Variants in PLCB1 observed in about 807,000 individuals in gnomAD.
PLCB1 encodes 1-phosphatidylinositol 4,5-bisphosphate phosphodiesterase beta-1.
PLCB1 carries 46 observed loss-of-function variants against 161.8 expected under a neutral mutation model. The ratio of observed to expected loss-of-function variants is 0.28; its 90% CI spans 0.22 to 0.36. PLCB1 has a LOEUF of 0.36. PLCB1 is among the 10% of genes least tolerant of loss of function. The probability of loss-of-function intolerance (pLI) is 1.00; values close to 1 mark genes in which losing one functional copy is unlikely to be tolerated. For synonymous variants in PLCB1, 517 were observed against 503.7 expected, an observed-to-expected ratio of 1.03 and a Z score of -0.35; for missense variants, 1,016 against 1,472.5, an observed-to-expected ratio of 0.69 and a Z score of 5.07.
intron 3 of PLCB1, among the ~76,000 whole-genome samples, chr20:8,585,721 C>A (rs1421899802): frequency 1.3e-5 from 2 of 152,190 alleles, no homozygotes; most frequent in Non-Finnish European, 2.9e-5. Context: ...TAATGAGCTT[C>A]TTTAGCATTG....
intron 2 of PLCB1, among the ~76,000 whole-genome samples, chr20:8,280,850 A>G (rs1259773153): frequency 6.6e-6 from 1 of 152,212 alleles, no homozygotes; most frequent in African/African-American, 2.4e-5. Context: ...ACCCATGGCA[A>G]GGACTTGCAG....
At chr20:8,492,848 ATGTGTGTG>A (rs10536329) in intron 3 of PLCB1, among the ~76,000 whole-genome samples, 91 of 145,150 alleles carry the variant, frequency 6.3e-4, no homozygotes, top group Non-Finnish European at 7.5e-4. Context: ...ATATATATAT[ATGTGTGTG>A]TGTGTGTGTG....
At chr20:8,616,491 T>C (rs1162235386) in intron 3 of PLCB1, among the ~76,000 whole-genome samples, 1 of 152,182 alleles carries the variant, frequency 6.6e-6, no homozygotes, top group Non-Finnish European at 1.5e-5. Context: ...ACTAAACTCT[T>C]TTGCACACAT....
At chr20:8,430,210 C>CA (rs1260732857) in intron 3 of PLCB1, among the ~76,000 whole-genome samples, 3 of 151,252 alleles carry the variant, frequency 2.0e-5, no homozygotes, top group Non-Finnish European at 3.0e-5. Context: ...GTTACATTAG[C>CA]AAAAAAAATC....
At chr20:8,309,521 A>G (rs987160091) in intron 2 of PLCB1, among the ~76,000 whole-genome samples, 3 of 152,238 alleles carry the variant, frequency 2.0e-5, no homozygotes, top group Non-Finnish European at 2.9e-5. Context: ...TTGGACAACT[A>G]TATTCAAACT....
rs78728681 is a variant in PLCB1 at position 8,244,506 on chromosome 20, A to G, written c.177+94135A>G. ...ACAAAAGAGAAATATGATTCCTTGT[A>G]TATGAAATTCAAGAAAGGCAAAACT... On this transcript the variant is annotated intron_variant, in intron 2 of 31. Transcript: ENST00000338037. Among the ~76,000 whole-genome samples the G allele has an allele frequency of 5.1e-4, 77 of 152,072 alleles. No individual in the cohort carries two copies. In the East Asian group the frequency reaches 0.011, roughly 23 times the overall value.
At chr20:8,546,045 G>A (rs904824991) in intron 3 of PLCB1, among the ~76,000 whole-genome samples, 30 of 152,160 alleles carry the variant, frequency 2.0e-4, no homozygotes, top group African/African-American at 5.8e-4. Context: ...GGCTGGGCGC[G>A]GTGGCTCATG....
intron 2 of PLCB1, among the ~76,000 whole-genome samples, chr20:8,221,096 T>C (rs1018304286): frequency 1.3e-5 from 2 of 152,128 alleles, no homozygotes; most frequent in Non-Finnish European, 2.9e-5. Context: ...AAATGAAATA[T>C]TATATGCAGC....
At chr20:8,560,295 C>A (rs1039148922) in intron 3 of PLCB1, among the ~76,000 whole-genome samples, 1 of 151,940 alleles carries the variant, frequency 6.6e-6, no homozygotes, top group Non-Finnish European at 1.5e-5. Context: ...CACCTGTGAG[C>A]TTTAAGAATA....
intron 3 of PLCB1, among the ~76,000 whole-genome samples, chr20:8,472,293 G>C (rs1413449073): frequency 6.6e-6 from 1 of 151,962 alleles, no homozygotes; most frequent in East Asian, 1.9e-4. Context: ...TTCTTTTATT[G>C]TTATGTTCTT....
intron 2 of PLCB1, among the ~76,000 whole-genome samples, chr20:8,175,319 A>G (rs76099258): frequency 0.012 from 1,851 of 152,260 alleles, 41 homozygotes; most frequent in African/African-American, 0.041. Context: ...GGTAAAAGCA[A>G]AGAGAACCTA....
rs545785306 is a variant in PLCB1 at position 8,776,715 on chromosome 20, T to A, written c.3111+1996T>A. Among the ~76,000 whole-genome samples, 5 of 152,310 alleles carry A rather than the reference T, an allele frequency of 3.3e-5. No individual in the cohort carries two copies. The East Asian group carries it at 9.7e-4, about 29-fold the overall frequency. On this transcript the variant is annotated intron_variant, in intron 27 of 31. Coordinates refer to ENST00000338037, the MANE Select transcript of PLCB1 (RefSeq NM_015192.4). ...CAAATGCTTATTAGACACCTGCTTGTTAAATATTTTTAAACAGTAGTAAAT... is the reference window on the plus strand; with the variant it reads ...CAAATGCTTATTAGACACCTGCTTGATAAATATTTTTAAACAGTAGTAAAT...
chr20:8,137,790 C>T (rs1164818603), intron 1 of PLCB1, among the ~76,000 whole-genome samples: 3 of 152,166 alleles, frequency 2.0e-5, no homozygotes, highest in Non-Finnish European at 4.4e-5. Flanking sequence ...CTTATCTTGA[C>T]TTCTAACTTT....
chr20:8,508,707 AGCACTTCCACG>A, intron 3 of PLCB1, among the ~76,000 whole-genome samples: 1 of 152,192 alleles, frequency 6.6e-6, no homozygotes, highest in Admixed American at 6.5e-5. Flanking sequence ...GTTCTCTAAA[AGCACTTCCACG>A]TAGAATGCAA....
In PLCB1 at chr20:8,831,912, C is replaced by CTT. The variant is rs1322579258; in HGVS notation, c.3423+41652_3423+41653insTT. Among the ~76,000 whole-genome samples the CTT allele has an allele frequency of 9.4e-3, 550 of 58,676 alleles. 52 individuals carry two copies. Among genetic ancestry groups the CTT allele is most frequent in the East Asian group, 0.025 (42 of 1,696 alleles). The allele number at this position is 58,676 out of a possible 152,430, so 38.5% of individuals were successfully genotyped here. A position where few individuals can be genotyped will look rare whatever the true frequency, so the allele number is the denominator to read the frequency against. ...TCTTTCTTTCTCCCTCTCTTTCTTTCTCTTTCTTTCTTTCTTTCTTTCTTT... is the reference window on the plus strand; with the variant it reads ...TCTTTCTTTCTCCCTCTCTTTCTTTCTTTCTTTCTTTCTTTCTTTCTTTCTTT... On this transcript the variant is annotated intron_variant, in intron 31 of 31. Coordinates refer to ENST00000338037, the MANE Select transcript of PLCB1 (RefSeq NM_015192.4).
At chr20:8,317,832 C>A (rs1984728634) in intron 2 of PLCB1, among the ~76,000 whole-genome samples, 1 of 152,038 alleles carries the variant, frequency 6.6e-6, no homozygotes, top group African/African-American at 2.4e-5. Context: ...GACCTTGTAA[C>A]CATAAAGCTT....
rs185951613 is a variant in PLCB1, at chr20:8,585,022, G to A, written c.247-43272G>A. On this transcript the variant is annotated intron_variant, in intron 3 of 31. Transcript: ENST00000338037. ...TCTCTTTAGCCCAACATGATCCCAAGAAATCATTAGTCTTTTACTGCTTAC... is the reference window on the plus strand; with the variant it reads ...TCTCTTTAGCCCAACATGATCCCAAAAAATCATTAGTCTTTTACTGCTTAC... Among the ~76,000 whole-genome samples, 7 of 152,188 alleles carry A rather than the reference G, an allele frequency of 4.6e-5. No individual in the cohort carries two copies. The East Asian group carries it at 1.4e-3, about 29-fold the overall frequency.
chr20:8,341,098 T>A (rs563306679), intron 2 of PLCB1, among the ~76,000 whole-genome samples: 1 of 152,254 alleles, frequency 6.6e-6, no homozygotes, highest in South Asian at 2.1e-4. Flanking sequence ...TGTTCCACCA[T>A]GCCCCCCTCC....
chr20:8,517,427 G>A (rs973278005), intron 3 of PLCB1, among the ~76,000 whole-genome samples: 3 of 152,226 alleles, frequency 2.0e-5, no homozygotes, highest in African/African-American at 4.8e-5. Flanking sequence ...TGAGACATGG[G>A]GTTTTATTAA....
Sources: allele counts gnomAD v4.1 joint callset (sites outside exome capture counted in the v4.1 genomes callset), GRCh38; gene constraint gnomAD v4.1.1; transcripts MANE v1.5; gene names NCBI Gene and HGNC (gene_info 2026-07-23, HGNC 2026-07-21).